The following PCSK5 variants were observed in gnomAD, a reference collection of about 807,000 sequenced individuals.
PCSK5 encodes prohormone convertase 5.
PCSK5 carries 129 observed loss-of-function variants against 233.2 expected under a neutral mutation model. That is an observed-to-expected ratio of 0.55 (90% CI 0.48 to 0.64). The LOEUF (loss-of-function observed/expected upper bound fraction) is 0.64, where lower values mean the gene tolerates loss of function less well. PCSK5 is among the 30% of genes least tolerant of loss of function. The pLI is 0.00. For synonymous variants in PCSK5, 825 were observed against 879.2 expected (o/e 0.94, Z 1.09); for missense variants, 2,076 against 2,430.1 (o/e 0.85, Z 3.06).
At chr9:76,349,285 AAAAAAAG>A (rs1262673818) in intron 35 of PCSK5, among the ~76,000 whole-genome samples, 23,039 of 140,042 alleles carry the variant, frequency 0.16, 2,297 homozygotes, top group Non-Finnish European at 0.24. Context: ...AAAAAAAAAA[AAAAAAAG>A]AAAAAAGAAA....
intron 24 of PCSK5, among the ~76,000 whole-genome samples, chr9:76,290,476 T>A (rs968021111): frequency 6.6e-6 from 1 of 152,228 alleles, no homozygotes; most frequent in Non-Finnish European, 1.5e-5. Context: ...CATGAGCAGA[T>A]AACAGCTTCC....
intron 21 of PCSK5, among the ~76,000 whole-genome samples, chr9:76,228,132 G>A (rs1455289139): frequency 1.3e-5 from 2 of 151,908 alleles, no homozygotes; most frequent in Non-Finnish European, 2.9e-5. Flanking sequence ...ACCACGCCTG[G>A]CTAACTTTTG....
intron 9 of PCSK5, among the ~76,000 whole-genome samples, chr9:76,131,737 A>T (rs559014901): frequency 6.6e-6 from 1 of 152,006 alleles, no homozygotes; most frequent in African/African-American, 2.4e-5. Flanking sequence ...GGATCTCCCA[A>T]TGATCAGAAT....
Position 76,190,552 on chromosome 9 carries a change from T to TTTA in PCSK5, c.2626+809_2626+811dup, listed in dbSNP as rs375291798. ...ATGTTTTTACAAAGTTTTAGGAAAC[T>TTTA]TTATTTTTAATAGCAGCATAAAATT... On this transcript the variant is annotated intron_variant, in intron 20 of 37. Transcript: ENST00000674117. Among the ~76,000 whole-genome samples the TTTA allele has an allele frequency of 3.5e-3, 533 of 151,976 alleles. 1 individual carries two copies. Among genetic ancestry groups the TTTA allele is most frequent in the African/African-American group, 0.012 (495 of 41,486 alleles).
At chr9:75,970,258 T>G (rs575031741) in intron 2 of PCSK5, among the ~76,000 whole-genome samples, 2 of 152,336 alleles carry the variant, frequency 1.3e-5, no homozygotes, top group African/African-American at 2.4e-5. Flanking sequence ...TCAATCTAAT[T>G]CAGAGCAGCT....
At chr9:76,155,752 T>C (rs1822547925) in intron 10 of PCSK5, among the ~76,000 whole-genome samples, 1 of 152,254 alleles carries the variant, frequency 6.6e-6, no homozygotes, top group Non-Finnish European at 1.5e-5. Context: ...TCAGTAAATG[T>C]CTTTTGACTA....
intron 2 of PCSK5, among the ~76,000 whole-genome samples, chr9:75,945,877 T>G (rs1824544276): frequency 6.6e-6 from 1 of 152,212 alleles, no homozygotes; most frequent in Non-Finnish European, 1.5e-5. Flanking sequence ...CCTCCCTCAA[T>G]ATCCTTGCTA....
intron 24 of PCSK5, among the ~76,000 whole-genome samples, chr9:76,249,394 A>G (rs1158720527): frequency 2.6e-5 from 4 of 152,196 alleles, no homozygotes; most frequent in Non-Finnish European, 5.9e-5. Flanking sequence ...AGAAAATTCA[A>G]TATTAGGGGA....
chr9:76,022,926 T>TG (rs1828260013), intron 3 of PCSK5, among the ~76,000 whole-genome samples: 1 of 152,168 alleles, frequency 6.6e-6, no homozygotes, highest in South Asian at 2.1e-4. Context: ...GAAAGAAGTG[T>TG]GGAGAACCTG....
rs1440299538 is a variant in PCSK5 at position 76,327,913 on chromosome 9, GA to G, written c.4340-93del. ...CTCTGGAAATCTCCGGAAGAAATGT[GA>G]AAGGAATGTGAAGACCCTTTCCCAG... is the stretch of plus-strand genomic sequence containing the variant. On this transcript the variant is annotated intron_variant, in intron 32 of 37. Transcript: ENST00000674117. The G allele has an allele frequency of 1.3e-5, 10 of 787,938 alleles. No individual in the cohort carries two copies. In the African/African-American group the frequency reaches 1.4e-4, roughly 11 times the overall value. 48.8% of individuals were successfully genotyped at this position (787,938 alleles called of 1,614,324 possible).
intron 20 of PCSK5, chr9:76,205,069 T>G (rs1825058597): frequency 5.8e-6 from 3 of 516,774 alleles, no homozygotes; most frequent in Non-Finnish European, 1.2e-5. Context: ...GCTGAAAAAT[T>G]GTCTTTCCAC....
At chr9:76,270,077 ATTTC>A (rs139028731) in intron 24 of PCSK5, among the ~76,000 whole-genome samples, 125 of 151,742 alleles carry the variant, frequency 8.2e-4, no homozygotes, top group Non-Finnish European at 1.5e-3. Context: ...TGTCTCTTAG[ATTTC>A]TTTCTTCTTT....
Position 75,924,292 on chromosome 9 carries a change from C to T in PCSK5, c.193-8087C>T, listed in dbSNP as rs1823382262. ...TTCTCTGAAGAGCTCAAAGCTGAGTCTGAACCTGAAGGAATTTAGGAAGGA... is the reference window on the plus strand; with the variant it reads ...TTCTCTGAAGAGCTCAAAGCTGAGTTTGAACCTGAAGGAATTTAGGAAGGA... On this transcript the variant is annotated intron_variant, in intron 1 of 37. Coordinates refer to ENST00000674117, the MANE Select transcript of PCSK5 (RefSeq NM_001372043.1). Among the ~76,000 whole-genome samples, 3 of 152,264 alleles carry T rather than the reference C, an allele frequency of 2.0e-5. No homozygotes were observed. In the South Asian group the frequency reaches 6.2e-4, roughly 32 times the overall value.
At chr9:75,976,340 CCTCT>C (rs200563980) in intron 2 of PCSK5, among the ~76,000 whole-genome samples, 2 of 146,906 alleles carry the variant, frequency 1.4e-5, no homozygotes, top group Admixed American at 1.4e-4. Context: ...CTCTCTTTTC[CCTCT>C]CTCTCTCTTT....
At chr9:75,933,053 G>A (rs1215792755) in intron 2 of PCSK5, among the ~76,000 whole-genome samples, 2 of 152,134 alleles carry the variant, frequency 1.3e-5, no homozygotes, top group African/African-American at 4.8e-5. Context: ...CTTGTGCCAA[G>A]TCCTTTTGGG....
intron 5 of PCSK5, among the ~76,000 whole-genome samples, chr9:76,064,354 G>A (rs1453244831): frequency 8.7e-5 from 10 of 114,420 alleles, no homozygotes; most frequent in African/African-American, 2.6e-4. Context: ...CTGGCCGGGC[G>A]GGGGGCTGAC....
In PCSK5 at chr9:76,163,435, C is replaced by T. The variant is rs185692083; in HGVS notation, c.1619+4264C>T. ...ACTCAGCAGCATTCAGAACTCCAGT[C>T]CAGCTTGAGCTCTGTGCCCCATTAG... On this transcript the variant is annotated intron_variant, in intron 12 of 37. Transcript: ENST00000674117. Among the ~76,000 whole-genome samples the T allele has an allele frequency of 5.3e-3, 810 of 152,324 alleles. 6 individuals are homozygous for T. Among genetic ancestry groups the T allele is most frequent in the Non-Finnish European group, 7.0e-3 (478 of 68,030 alleles).
intron 3 of PCSK5, among the ~76,000 whole-genome samples, chr9:75,992,956 T>G (rs145390389): frequency 6.6e-6 from 1 of 152,156 alleles, no homozygotes; most frequent in Non-Finnish European, 1.5e-5. Flanking sequence ...GGATAGTAAT[T>G]GTGAAAAATG....
chr9:76,072,538 T>G (rs1171797163), intron 7 of PCSK5, among the ~76,000 whole-genome samples: 3 of 152,254 alleles, frequency 2.0e-5, no homozygotes, highest in Non-Finnish European at 4.4e-5. Context: ...CTAATCTTTG[T>G]AATCATGAAA....
Sources: allele counts gnomAD v4.1 joint callset (sites outside exome capture counted in the v4.1 genomes callset), GRCh38; gene constraint gnomAD v4.1.1; transcripts MANE v1.5; gene names NCBI Gene and HGNC (gene_info 2026-07-23, HGNC 2026-07-21).